Variants in MFGE8 observed in about 807,000 individuals in gnomAD.
MFGE8 encodes the protein milk fat globule EGF and factor V/VIII domain containing.
A neutral mutation model predicts 42.6 loss-of-function variants in MFGE8; 34 were observed. That is an observed-to-expected ratio of 0.80 (90% CI 0.61 to 1.06). The LOEUF (loss-of-function observed/expected upper bound fraction) is 1.06, where lower values mean the gene tolerates loss of function less well. Ranked by LOEUF, MFGE8 falls within the 50% of genes least tolerant of loss-of-function variation. The probability of loss-of-function intolerance (pLI) is 0.00; values close to 1 mark genes in which losing one functional copy is unlikely to be tolerated. For synonymous variants in MFGE8, 230 were observed against 214.8 expected (o/e 1.07, Z -0.62); for missense variants, 510 against 516.9 (o/e 0.99, Z 0.13).
intron 2 of MFGE8, among the ~76,000 whole-genome samples, 198 bp from the exon 3 acceptor site, chr15:88,907,574 T>C (rs1898751761): frequency 6.6e-6 from 1 of 151,592 alleles, no homozygotes; most frequent in South Asian, 2.1e-4. Context: ...CAAGAAAAGG[T>C]ATGTGGCCAG....
intron 2 of MFGE8, among the ~76,000 whole-genome samples, chr15:88,907,681 T>C (rs1244744313): frequency 1.4e-5 from 2 of 146,936 alleles, no homozygotes; most frequent in Non-Finnish European, 3.0e-5. Flanking sequence ...GGGACAGCCA[T>C]GATTGGCACT....
In MFGE8 at chr15:88,909,776, A is replaced by G. The variant is rs140510604; in HGVS notation, c.205+16T>C. 1.3e-5 allele frequency: 21 copies of G among 1,613,678 alleles called. No homozygotes were observed. In the African/African-American group the frequency reaches 2.7e-4, roughly 20 times the overall value. On this transcript the variant is annotated intron_variant, in intron 2 of 7. Coordinates refer to ENST00000268150, the MANE Select transcript of MFGE8 (RefSeq NM_005928.4). ...CTACTGCTAGAAACAGGCAACAAGC[A>G]CCCCCACATACTCACTCGTCTCACA...
Position 88,909,912 on chromosome 15 carries a change from T to G in MFGE8, c.85A>C (p.Lys29Gln). 1 of 1,614,134 alleles carries G rather than the reference T, an allele frequency of 6.2e-7. No individual in the cohort carries two copies. Among genetic ancestry groups the G allele is most frequent in the Non-Finnish European group, 8.5e-7 (1 of 1,179,992 alleles). ...SLLVALDICS[K>Q]NPCHNGGLCE... is the part of the protein sequence containing the mutation. ...AAACCACCGTTGTGGCAGGGGTTTT[T>G]GGAACAGATATCTGGGGACAGAGAC... The change falls in exon 2 of 8, where the codon AAA (lysine) becomes CAA (glutamine). Residue 29 changes from lysine (K) to glutamine (Q), a missense_variant. By Grantham distance (53) the Lys-to-Gln change is moderately conservative (BLOSUM62 1). Coordinates refer to ENST00000268150, the MANE Select transcript of MFGE8 (RefSeq NM_005928.4).
Position 88,899,691 on chromosome 15 carries a change from T to C in MFGE8, c.991A>G (p.Thr331Ala). ...VAYSNDSANW[T>A]EYQDPRTGSS... ...CCAGTCCTGGGGTCCTGGTACTCAGTCCAGTTCGCACTGTCATTACTGTAG... is the reference window on the plus strand; with the variant it reads ...CCAGTCCTGGGGTCCTGGTACTCAGCCCAGTTCGCACTGTCATTACTGTAG... The change falls in exon 7 of 8, where the codon ACT (threonine) becomes GCT (alanine). Residue 331 changes from threonine to alanine, a missense_variant. Physicochemically the swap from Thr to Ala is moderately conservative, Grantham distance 58. Coordinates refer to ENST00000268150, the MANE Select transcript of MFGE8 (RefSeq NM_005928.4). The surrounding 1 kb of genome is among the most constrained non-coding windows in gnomAD (Gnocchi z 6.8). The C allele has an allele frequency of 1.2e-6, 2 of 1,614,148 alleles. No individual in the cohort carries two copies. Among genetic ancestry groups the C allele is most frequent in the South Asian group, 1.1e-5 (1 of 91,086 alleles).
Position 88,901,654 on chromosome 15 carries a change from C to T in MFGE8, c.767G>A (p.Gly256Asp). ...ITASSSYKTW[G>D]LHLFSWNPSY... ...GGGGTTCCAGCTGAAGAGATGCAAG[C>T]CCCAGGTCTTGTAGCTGCTGGAGGC... The change falls in exon 6 of 8, where the codon GGC (glycine) becomes GAC (aspartate). Residue 256 changes from glycine (G) to aspartate (D), a missense_variant. By Grantham distance (94) the Gly-to-Asp change is moderately conservative. Transcript: ENST00000268150. The T allele has an allele frequency of 6.2e-7, 1 of 1,613,924 alleles. No homozygotes were observed. The highest frequency in any genetic ancestry group is 8.5e-7 in the Non-Finnish European group (1 of 1,179,992).
rs867919830 is a variant in MFGE8, at chr15:88,899,724, T to C, written c.958A>G (p.Lys320Glu). 19 of 1,613,990 alleles carry C rather than the reference T, an allele frequency of 1.2e-5. No individual in the cohort carries two copies. The highest frequency in any genetic ancestry group is 1.5e-5 in the Non-Finnish European group (18 of 1,180,004). The change falls in exon 7 of 8, where the codon AAG becomes GAG. Residue 320 changes from lysine (K) to glutamate (E), a missense_variant. Coordinates refer to ENST00000268150, the MANE Select transcript of MFGE8 (RefSeq NM_005928.4). The surrounding 1 kb of genome is among the most constrained non-coding windows in gnomAD (Gnocchi z 6.8). The stretch of plus-strand genomic sequence containing the variant: ...GCACTGTCATTACTGTAGGCAACCT[T>C]GTAGGATGCCACAAACTGGACAGAG... ...FGSVQFVASY[K>E]VAYSNDSANW...
At position 88,906,924 on chromosome 15, in the gene MFGE8, A is replaced by T; in HGVS notation, c.388-146T>A. ...AGGGGTAGCTGAGCACACTGCCCGC[A>T]CAAAGGGCTTTCTTCTTCTGCCCAG... On this transcript the variant is annotated intron_variant, in intron 3 of 7. Transcript: ENST00000268150. The surrounding 1 kb of genome is among the most constrained non-coding windows in gnomAD (Gnocchi z 4.2). The T allele has an allele frequency of 9.2e-7, 1 of 1,084,586 alleles. No individual in the cohort carries two copies. The highest frequency in any genetic ancestry group is 1.4e-6 in the Non-Finnish European group (1 of 734,844). The allele number at this position is 1,084,586 out of a possible 1,614,324, so 67.2% of individuals were successfully genotyped here.
intron 6 of MFGE8, among the ~76,000 whole-genome samples, chr15:88,901,038 C>A (rs1415114077): frequency 6.6e-6 from 1 of 150,586 alleles, no homozygotes; most frequent in African/African-American, 2.5e-5. Flanking sequence ...CACACATATT[C>A]ACACACATTC....
chr15:88,906,406 A>G lies in MFGE8; in HGVS notation c.540+220T>C, dbSNP rs1898678087. 1.8e-6 allele frequency: 1 copy of G among 571,186 alleles called. No individual in the cohort carries two copies. Among genetic ancestry groups the G allele is most frequent in the African/African-American group, 1.9e-5 (1 of 53,382 alleles). 35.4% of individuals were successfully genotyped at this position (571,186 alleles called of 1,614,324 possible). ...TCAACAGGTCACTGTGCCATTTTGAATCTCACTAGTCTCATCTCTAAAGTG... is the reference window on the plus strand; with the variant it reads ...TCAACAGGTCACTGTGCCATTTTGAGTCTCACTAGTCTCATCTCTAAAGTG... On this transcript the variant is annotated intron_variant, in intron 4 of 7. Transcript: ENST00000268150. The surrounding 1 kb of genome is among the most constrained non-coding windows in gnomAD (Gnocchi z 4.2).
In MFGE8 at chr15:88,902,213, C is replaced by T. The variant is rs184274326; in HGVS notation, c.686-478G>A. On this transcript the variant is annotated intron_variant, in intron 5 of 7. Transcript: ENST00000268150. This position sits in a 1 kb window ranked among gnomAD's most constrained non-coding sequence, Gnocchi z 4.3. ...TAACAACCACATTGTTTATTCAGTG[C>T]TTACTTCAGTCATTTAACCTGCCAC... 5.6e-5 allele frequency: 9 copies of T among 159,468 alleles called. No homozygotes were observed. The highest frequency in any genetic ancestry group is 9.7e-5 in the Non-Finnish European group (7 of 72,354). The allele number at this position is 159,468 out of a possible 1,614,324, so 9.9% of individuals were successfully genotyped here.
intron 1 of MFGE8, among the ~76,000 whole-genome samples, chr15:88,911,650 C>T (rs1370534211): frequency 6.6e-6 from 1 of 152,060 alleles, no homozygotes; most frequent in Non-Finnish European, 1.5e-5. Context: ...TGGCATGAAC[C>T]CAGCGGGCGA....
At chr15:88,907,663 G>A (rs568756727) in intron 2 of MFGE8, among the ~76,000 whole-genome samples, 1 of 149,660 alleles carries the variant, frequency 6.7e-6, no homozygotes, top group East Asian at 2.4e-4. Context: ...AGCCAGGGTA[G>A]CACTGTGGGG....
chr15:88,900,297 C>T (rs1021886336), intron 6 of MFGE8, among the ~76,000 whole-genome samples: 3 of 151,866 alleles, frequency 2.0e-5, no homozygotes, highest in Admixed American at 6.6e-5. Context: ...CCTACTTTGC[C>T]ACACATGGTG....
chr15:88,913,097 G>T, intron 1 of MFGE8, 150 bp downstream of exon 1: 1 of 1,315,448 alleles, frequency 7.6e-7, no homozygotes, highest in Non-Finnish European at 9.6e-7. Context: ...CCGCCAGGGC[G>T]CAGCGGAAGA....
At chr15:88,912,621 C>G in intron 1 of MFGE8, 4 of 985,352 alleles carry the variant, frequency 4.1e-6, no homozygotes, top group Non-Finnish European at 4.8e-6. Flanking sequence ...AGCAGCCGGC[C>G]AAGGCCGCGG....
At position 88,909,940 on chromosome 15, in the gene MFGE8, G is replaced by A. The variant is rs375174746; in HGVS notation, c.74-17C>T. ...AACAGATATCTGGGGACAGAGACAG[G>A]TAAGATGAGCAGATGATCAGGAAGG... On this transcript the variant is annotated splice_polypyrimidine_tract_variant and intron_variant, in intron 1 of 7. Coordinates refer to ENST00000268150, the MANE Select transcript of MFGE8 (RefSeq NM_005928.4). 17 of 1,613,714 alleles carry A rather than the reference G, an allele frequency of 1.1e-5. No individual in the cohort carries two copies. The African/African-American group carries it at 2.0e-4, about 19-fold the overall frequency.
chr15:88,902,239 CAA>C lies in MFGE8; in HGVS notation c.686-506_686-505del, dbSNP rs35023517. On this transcript the variant is annotated intron_variant, in intron 5 of 7. Transcript: ENST00000268150. The surrounding 1 kb of genome is among the most constrained non-coding windows in gnomAD (Gnocchi z 4.3). ...TTACTTCAGTCATTTAACCTGCCAC[CAA>C]AAAAAAAAAGAAAAAAAAACACTAA... is the stretch of plus-strand genomic sequence containing the variant. 1,601 of 121,868 alleles carry C rather than the reference CAA, an allele frequency of 0.013. 66 individuals carry two copies. The East Asian group carries it at 0.16, about 12-fold the overall frequency. 7.5% of individuals were successfully genotyped at this position (121,868 alleles called of 1,614,324 possible). A position where few individuals can be genotyped will look rare whatever the true frequency, so the allele number is the denominator to read the frequency against.
At position 88,901,582 on chromosome 15, in the gene MFGE8, G is replaced by GCAACC. The variant is rs1898434475; in HGVS notation, c.834_838dup (p.Ala280GlyfsTer22). The GCAACC allele has an allele frequency of 7.3e-7, 1 of 1,363,816 alleles. No individual in the cohort carries two copies. Among genetic ancestry groups the GCAACC allele is most frequent in the Admixed American group, 1.9e-5 (1 of 51,910 alleles). The allele number at this position is 1,363,816 out of a possible 1,614,324, so 84.5% of individuals were successfully genotyped here. A position where few individuals can be genotyped will look rare whatever the true frequency, so the allele number is the denominator to read the frequency against. ...CCACTGATCGTTACCGTAGCTCCCC[G>GCAACC]CAACCCAGGCGTTGAAGTTGCCCTG... On this transcript the variant is annotated frameshift_variant, in exon 6 of 8. Transcript: ENST00000268150. LOFTEE classifies it high-confidence loss of function.
chr15:88,907,738 T>A (rs1898766862), intron 2 of MFGE8, among the ~76,000 whole-genome samples: 2 of 151,040 alleles, frequency 1.3e-5, no homozygotes, highest in African/African-American at 4.9e-5. Flanking sequence ...GGTGGCCTCG[T>A]TCATATAGGG....
Sources: gnomAD v4.1 joint callset for allele counts (sites outside exome capture counted in the v4.1 genomes callset) on GRCh38, gnomAD v4.1.1 for gene constraint, Gnocchi (gnomAD v3.1) non-coding constraint, MANE v1.5 for transcripts, NCBI Gene and HGNC (gene_info 2026-07-23, HGNC 2026-07-21) for gene names.